The following RREB1 variants were observed in gnomAD, a reference collection of about 807,000 sequenced individuals.
The protein encoded by RREB1 is ras responsive element binding protein 1.
A neutral mutation model predicts 117.8 loss-of-function variants in RREB1; 27 were observed. The observed-to-expected ratio is 0.23, with a 90% confidence interval of 0.17 to 0.32. The LOEUF (loss-of-function observed/expected upper bound fraction) is 0.32, where lower values mean the gene tolerates loss of function less well. Among genes scored for constraint, RREB1 ranks in the 10% least tolerant of loss-of-function variants. The pLI is 1.00. For missense variants in RREB1, 2,577 were observed against 2,378.2 expected, an observed-to-expected ratio of 1.08 and a Z score of -1.74; for synonymous variants, 1,298 against 1,026.7, an observed-to-expected ratio of 1.26 and a Z score of -5.05.
intron 5 of RREB1, among the ~76,000 whole-genome samples, chr6:7,188,668 G>A (rs1056310092): frequency 2.0e-5 from 3 of 152,118 alleles, no homozygotes; most frequent in Non-Finnish European, 4.4e-5. Context: ...AAAGTAACTC[G>A]GGTTTGAATA....
rs922514459 is a variant in RREB1, at chr6:7,228,615, T to A, written c.898-382T>A. Among the ~76,000 whole-genome samples, 5 of 151,456 alleles carry A rather than the reference T, an allele frequency of 3.3e-5. No homozygotes were observed. The East Asian group carries it at 9.8e-4, about 30-fold the overall frequency. Reference sequence around the variant, plus strand: ...CAACCTCCTTAAGCTCAGGTGCTTTTCCTGCCTTAGCCTCCCAATAGCTAG... The same window carrying A: ...CAACCTCCTTAAGCTCAGGTGCTTTACCTGCCTTAGCCTCCCAATAGCTAG... On this transcript the variant is annotated intron_variant, in intron 9 of 12. Coordinates refer to ENST00000379938, the MANE Select transcript of RREB1 (RefSeq NM_001003699.4).
chr6:7,153,612 T>C (rs1354343770), intron 1 of RREB1, among the ~76,000 whole-genome samples: 1 of 152,186 alleles, frequency 6.6e-6, no homozygotes, highest in Non-Finnish European at 1.5e-5. Context: ...TTTTGGTGAA[T>C]AGAAGTGAAT....
At position 7,114,287 on chromosome 6, in the gene RREB1, A is replaced by G. The variant is rs537213431; in HGVS notation, c.-285+6227A>G. On this transcript the variant is annotated intron_variant, in intron 1 of 12. Transcript: ENST00000379938. ...CAGGCACACACCACCACGCCCAGCT[A>G]ATTTTTGTATTTTTAGTAGTAACAG... Among the ~76,000 whole-genome samples, 6 of 152,132 alleles carry G rather than the reference A, an allele frequency of 3.9e-5. 1 individual carries two copies. The South Asian group carries it at 8.3e-4, about 21-fold the overall frequency.
At chr6:7,189,438 T>C in intron 6 of RREB1, 116 bp downstream of exon 6, 3 of 994,424 alleles carry the variant, frequency 3.0e-6, no homozygotes, top group Non-Finnish European at 1.4e-6. Context: ...GTTCTGGAGC[T>C]CTGTCCATTG....
Position 7,242,860 on chromosome 6 carries a change from A to T in RREB1, c.3973+2258A>T, listed in dbSNP as rs115241988. 7.6e-3 allele frequency among the ~76,000 whole-genome samples: 1,156 copies of T among 152,282 alleles called. 13 individuals carry two copies. Among genetic ancestry groups the T allele is most frequent in the African/African-American group, 0.026 (1,076 of 41,534 alleles). On this transcript the variant is annotated intron_variant, in intron 11 of 12. Coordinates refer to ENST00000379938, the MANE Select transcript of RREB1 (RefSeq NM_001003699.4). ...CCCAAAAGAATGCTAAAAATGCCAC[A>T]GTGGGGGCAGTTCTCCCTTAAAGGT... is the stretch of plus-strand genomic sequence containing the variant.
At chr6:7,228,651 T>C (rs1055900936) in intron 9 of RREB1, among the ~76,000 whole-genome samples, 7 of 151,822 alleles carry the variant, frequency 4.6e-5, no homozygotes, top group African/African-American at 1.7e-4. Flanking sequence ...GACACAGGCA[T>C]GTACCACCAC....
intron 1 of RREB1, among the ~76,000 whole-genome samples, chr6:7,112,311 T>C (rs1761184641): frequency 6.6e-6 from 1 of 152,242 alleles, no homozygotes; most frequent in Non-Finnish European, 1.5e-5. Flanking sequence ...CTATCATCTC[T>C]TGGTTGAATG....
chr6:7,164,808 T>C (rs1382420689), intron 1 of RREB1, among the ~76,000 whole-genome samples: 2 of 152,224 alleles, frequency 1.3e-5, no homozygotes, highest in Non-Finnish European at 2.9e-5. Context: ...CTGGCCTCGC[T>C]CCAAAGGCGA....
At chr6:7,226,902 C>G (rs1214149122) in intron 9 of RREB1, among the ~76,000 whole-genome samples, 1 of 152,168 alleles carries the variant, frequency 6.6e-6, no homozygotes, top group Non-Finnish European at 1.5e-5. Context: ...ATCAGTCTAG[C>G]TCTTCTGTGC....
At chr6:7,172,184 G>GTT (rs1445884788) in intron 1 of RREB1, among the ~76,000 whole-genome samples, 4 of 152,022 alleles carry the variant, frequency 2.6e-5, no homozygotes, top group African/African-American at 7.2e-5. Flanking sequence ...GGTCTTAAGT[G>GTT]ATCTTCCCAC....
At chr6:7,240,407 A>C (rs1246599317) in intron 10 of RREB1, 31 bp from the exon 11 acceptor site, 2 of 1,582,720 alleles carry the variant, frequency 1.3e-6, no homozygotes, top group South Asian at 2.3e-5. Context: ...GTAGAAAGCC[A>C]GATAAATATA....
rs1581604783 is a variant in RREB1, at chr6:7,249,482, T to C, written c.*514T>C. ...ATGACCAGAGGAAAGATGGATAAGA[T>C]GATAATTTCTTAAATAGACATTTTC... On this transcript the variant is annotated 3_prime_UTR_variant, in exon 13 of 13. Coordinates refer to ENST00000379938, the MANE Select transcript of RREB1 (RefSeq NM_001003699.4). 1 of 153,402 alleles carries C rather than the reference T, an allele frequency of 6.5e-6. No individual in the cohort carries two copies. Among genetic ancestry groups the C allele is most frequent in the Non-Finnish European group, 1.5e-5 (1 of 68,608 alleles). 9.5% of individuals were successfully genotyped at this position (153,402 alleles called of 1,614,324 possible).
rs68124570 is a variant in RREB1 at position 7,113,135 on chromosome 6, C to CGGGGACT, written c.-285+5086_-285+5092dup. On this transcript the variant is annotated intron_variant, in intron 1 of 12. Transcript: ENST00000379938. ...AGAATTCGAAAACCTCTGTGAAGTCCGGGGACTGGGGACTGGGTCCTGACT... is the reference window on the plus strand; with the variant it reads ...AGAATTCGAAAACCTCTGTGAAGTCCGGGGACTGGGGACTGGGGACTGGGTCCTGACT... Among the ~76,000 whole-genome samples the CGGGGACT allele has an allele frequency of 6.6e-5, 10 of 151,362 alleles. No individual in the cohort carries two copies. In the South Asian group the frequency reaches 1.9e-3, roughly 28 times the overall value.
At chr6:7,171,011 A>G (rs1243597939) in intron 1 of RREB1, among the ~76,000 whole-genome samples, 2 of 152,188 alleles carry the variant, frequency 1.3e-5, no homozygotes, top group Non-Finnish European at 2.9e-5. Context: ...CTGGATGCTC[A>G]TGCCCTTGGG....
chr6:7,210,701 C>G (rs1766529750), intron 6 of RREB1, 103 bp from the exon 7 acceptor site: 2 of 1,000,010 alleles, frequency 2.0e-6, no homozygotes, highest in Non-Finnish European at 2.9e-6. Context: ...TATCTCTTAA[C>G]TAAAGAAAAT....
chr6:7,129,757 G>A (rs1044646840), intron 1 of RREB1, among the ~76,000 whole-genome samples: 20 of 152,224 alleles, frequency 1.3e-4, no homozygotes, highest in Non-Finnish European at 1.9e-4. Flanking sequence ...AGGTGCAGCC[G>A]GGCAGCAGGG....
At chr6:7,196,481 C>T (rs1489912998) in intron 6 of RREB1, among the ~76,000 whole-genome samples, 1 of 151,852 alleles carries the variant, frequency 6.6e-6, no homozygotes, top group Non-Finnish European at 1.5e-5. Context: ...TTATATTGGT[C>T]AAATAAAGTA....
intron 6 of RREB1, among the ~76,000 whole-genome samples, chr6:7,192,925 TC>T (rs1460747856): frequency 2.0e-5 from 3 of 152,216 alleles, no homozygotes; most frequent in African/African-American, 7.2e-5. Context: ...TTTATAGCTA[TC>T]CATTTTCGTA....
At chr6:7,167,178 G>A (rs1763975977) in intron 1 of RREB1, among the ~76,000 whole-genome samples, 2 of 152,124 alleles carry the variant, frequency 1.3e-5, no homozygotes, top group Admixed American at 1.3e-4. Context: ...CAAACGTGAA[G>A]CTGACCAGGA....
Sources: allele counts gnomAD v4.1 joint callset (sites outside exome capture counted in the v4.1 genomes callset), GRCh38; gene constraint gnomAD v4.1.1; transcripts MANE v1.5; gene names NCBI Gene and HGNC (gene_info 2026-07-23, HGNC 2026-07-21).